Variants in TRMT11 observed in about 807,000 individuals in gnomAD.
The protein encoded by TRMT11 is tRNA methyltransferase 11, also known as tRNA (guanine(10)-N(2))-methyltransferase TRMT11.
TRMT11 carries 53 observed loss-of-function variants against 62.8 expected under a neutral mutation model. The observed-to-expected ratio is 0.84, with a 90% CI of 0.68 to 1.06. The LOEUF (loss-of-function observed/expected upper bound fraction) is 1.06. TRMT11 is among the 50% of genes least tolerant of loss of function. The probability of loss-of-function intolerance (pLI) is 0.00; values close to 1 mark genes in which losing one functional copy is unlikely to be tolerated. For synonymous variants in TRMT11, 188 were observed against 190.3 expected (o/e 0.99, Z 0.10); for missense variants, 556 against 553.4 (o/e 1.00, Z -0.05).
intron 17 of TRMT11, among the ~76,000 whole-genome samples, chr6:126,081,936 C>G (rs1777163328): frequency 6.6e-6 from 1 of 152,184 alleles, no homozygotes; most frequent in African/African-American, 2.4e-5. Context: ...TCTGTGCTCT[C>G]TTCTTCAAGT....
At chr6:125,991,929 A>G (rs1160275668) in intron 1 of TRMT11, among the ~76,000 whole-genome samples, 1 of 152,230 alleles carries the variant, frequency 6.6e-6, no homozygotes, top group Non-Finnish European at 1.5e-5. Context: ...AAAAGCAAGT[A>G]GCTGAAATAA....
chr6:126,166,637 C>T (rs778760707), intron 21 of TRMT11, among the ~76,000 whole-genome samples: 1 of 152,236 alleles, frequency 6.6e-6, no homozygotes, highest in African/African-American at 2.4e-5. Flanking sequence ...AGCTCGAGCG[C>T]TATGCTGGGA....
intron 17 of TRMT11, among the ~76,000 whole-genome samples, chr6:126,060,085 T>C (rs571192240): frequency 1.3e-5 from 2 of 152,322 alleles, no homozygotes; most frequent in East Asian, 3.9e-4. Context: ...CTAGTGAACA[T>C]GAACTGTCAA....
At chr6:126,053,448 A>G (rs1337088942) in intron 17 of TRMT11, among the ~76,000 whole-genome samples, 1 of 152,152 alleles carries the variant, frequency 6.6e-6, no homozygotes, top group Non-Finnish European at 1.5e-5. Context: ...TTCCTCTTTT[A>G]TACAGCTTTT....
At chr6:126,182,760 C>T (rs1778481718) in intron 1 of TRMT11, among the ~76,000 whole-genome samples, 1 of 152,092 alleles carries the variant, frequency 6.6e-6, no homozygotes, top group Admixed American at 6.6e-5. Context: ...GAACTTAGGA[C>T]TCTGGGGATT....
chr6:126,034,318 A>G (rs1161750931), intron 12 of TRMT11, among the ~76,000 whole-genome samples: 4 of 152,162 alleles, frequency 2.6e-5, no homozygotes, highest in African/African-American at 9.7e-5. Flanking sequence ...TTAAATAATT[A>G]TGTAATAACA....
At chr6:126,128,708 A>T (rs1039790987) in intron 21 of TRMT11, among the ~76,000 whole-genome samples, 1 of 152,090 alleles carries the variant, frequency 6.6e-6, no homozygotes, top group Non-Finnish European at 1.5e-5. Flanking sequence ...TCAAATCACA[A>T]ATAAGCACCT....
the TRMT11 span, among the ~76,000 whole-genome samples, chr6:126,228,643 C>A: frequency 6.6e-6 from 1 of 152,180 alleles, no homozygotes; most frequent in Non-Finnish European, 1.5e-5. Flanking sequence ...GTGAGTCAGG[C>A]CTGCAGATCT....
chr6:126,178,414 C>T (rs1583900465), intron 1 of TRMT11, among the ~76,000 whole-genome samples: 2 of 152,328 alleles, frequency 1.3e-5, no homozygotes, highest in African/African-American at 4.8e-5. Flanking sequence ...TAGCCCACCC[C>T]TGCTTTTGTC....
chr6:126,170,510 G>A (rs888265952), intron 21 of TRMT11, among the ~76,000 whole-genome samples: 14 of 151,918 alleles, frequency 9.2e-5, no homozygotes, highest in Non-Finnish European at 1.5e-5. Flanking sequence ...TTGTTCTTTC[G>A]CTGGCTGTAT....
chr6:126,009,859 G>A (rs1583695887), intron 8 of TRMT11, among the ~76,000 whole-genome samples: 2 of 151,956 alleles, frequency 1.3e-5, no homozygotes, highest in South Asian at 4.1e-4. Flanking sequence ...TTAAAGTTAT[G>A]TTTGGAAACT....
intron 21 of TRMT11, among the ~76,000 whole-genome samples, chr6:126,126,590 T>G (rs1282563002): frequency 2.0e-5 from 3 of 152,118 alleles, no homozygotes; most frequent in African/African-American, 4.8e-5. Context: ...TTATCAAACC[T>G]CACGCTGTGC....
At chr6:126,270,051 T>C in the TRMT11 span, among the ~76,000 whole-genome samples, 1 of 152,148 alleles carries the variant, frequency 6.6e-6, no homozygotes, top group Admixed American at 6.5e-5. Context: ...TCAACAAAGA[T>C]AGGGAAAATA....
intron 21 of TRMT11, among the ~76,000 whole-genome samples, chr6:126,169,672 A>C (rs1778308945): frequency 2.6e-5 from 4 of 152,196 alleles, no homozygotes. Flanking sequence ...GGACACAAAA[A>C]ATGGAATGCT....
At chr6:126,125,074 G>C (rs1419093204) in intron 21 of TRMT11, among the ~76,000 whole-genome samples, 1 of 152,048 alleles carries the variant, frequency 6.6e-6, no homozygotes, top group African/African-American at 2.4e-5. Context: ...CAATTCCTGA[G>C]CTTTTCCAGG....
chr6:126,054,777 T>C (rs1776320665), intron 17 of TRMT11, among the ~76,000 whole-genome samples: 1 of 152,170 alleles, frequency 6.6e-6, no homozygotes, highest in Non-Finnish European at 1.5e-5. Flanking sequence ...AAATAAAAAA[T>C]AGTTTGTGAT....
intron 18 of TRMT11, among the ~76,000 whole-genome samples, chr6:126,113,652 C>G (rs532738340): frequency 2.6e-5 from 4 of 152,078 alleles, no homozygotes; most frequent in Admixed American, 6.6e-5. Context: ...ATAGATATAT[C>G]TCTGCCCCCA....
intron 16 of TRMT11, among the ~76,000 whole-genome samples, chr6:126,049,420 A>G (rs1354268668): frequency 1.3e-5 from 2 of 151,832 alleles, no homozygotes; most frequent in Non-Finnish European, 2.9e-5. Context: ...ATTATCTTCA[A>G]TTTTCTTTCT....
chr6:126,044,373 G>A (rs1030083486), intron 16 of TRMT11, among the ~76,000 whole-genome samples: 45 of 152,246 alleles, frequency 3.0e-4, no homozygotes, highest in African/African-American at 9.6e-4. Context: ...GTAGATATGC[G>A]GCATTATTTC....
Sources: gnomAD v4.1 joint callset for allele counts (sites outside exome capture counted in the v4.1 genomes callset) on GRCh38, gnomAD v4.1.1 for gene constraint, MANE v1.5 for transcripts, NCBI Gene and HGNC (gene_info 2026-07-23, HGNC 2026-07-21) for gene names.